The following CCDC171 variants were observed in gnomAD, a reference collection of about 807,000 sequenced individuals.
CCDC171 encodes the protein coiled-coil domain containing 171, also known as coiled-coil domain-containing protein 171.
Under a neutral mutation model 168.2 loss-of-function variants are expected in CCDC171, and 177 were observed. That is an observed-to-expected ratio of 1.05 (90% CI 0.93 to 1.19). CCDC171 has a LOEUF of 1.19. Ranked by LOEUF, CCDC171 falls within the 50% of genes most tolerant of loss-of-function variation. The probability of loss-of-function intolerance (pLI) is 0.00; values close to 1 mark genes in which losing one functional copy is unlikely to be tolerated. For synonymous variants in CCDC171, 687 were observed against 540.8 expected, an observed-to-expected ratio of 1.27 and a Z score of -3.75; for missense variants, 1,991 against 1,539.0, an observed-to-expected ratio of 1.29 and a Z score of -4.91.
intron 1 of CCDC171, among the ~76,000 whole-genome samples, chr9:16,054,950 G>A (rs1051654643): frequency 3.1e-4 from 47 of 152,222 alleles, no homozygotes; most frequent in African/African-American, 1.1e-3. Flanking sequence ...ACTTAACGTG[G>A]AGACGAAGCC....
chr9:15,723,703 A>G lies in CCDC171; in HGVS notation c.1448A>G (p.Asp483Gly). 2.5e-6 allele frequency: 4 copies of G among 1,592,380 alleles called. No homozygotes were observed. Among genetic ancestry groups the G allele is most frequent in the Non-Finnish European group, 3.4e-6 (4 of 1,166,140 alleles). The change falls in exon 13 of 26, where the codon GAT becomes GGT. Residue 483 changes from aspartate to glycine, a missense_variant. By Grantham distance (94) the Asp-to-Gly change is moderately conservative (BLOSUM62 -1). Transcript: ENST00000380701. ...AAGGAAAAGGCATGTAATGAACTTGATTCTACGAAACAGAAGATAGACTCT... is the reference window on the plus strand; with the variant it reads ...AAGGAAAAGGCATGTAATGAACTTGGTTCTACGAAACAGAAGATAGACTCT... ...SNEEKACNEL[D>G]STKQKIDSHT... is the part of the protein sequence containing the mutation.
At chr9:15,756,630 C>T (rs1208097324) in intron 18 of CCDC171, among the ~76,000 whole-genome samples, 1 of 152,078 alleles carries the variant, frequency 6.6e-6, no homozygotes. Flanking sequence ...TAAAAACATG[C>T]GGTATTTGCT....
intron 3 of CCDC171, among the ~76,000 whole-genome samples, chr9:15,573,909 T>C (rs892555728): frequency 2.0e-5 from 3 of 151,860 alleles, no homozygotes; most frequent in African/African-American, 7.2e-5. Flanking sequence ...AAAAATAAAA[T>C]AAAAATAAAT....
intron 3 of CCDC171, among the ~76,000 whole-genome samples, chr9:15,573,978 C>T (rs1328885540): frequency 6.6e-6 from 1 of 152,018 alleles, no homozygotes; most frequent in Admixed American, 6.6e-5. Flanking sequence ...ACACACTGTT[C>T]TCTTTTATTT....
chr9:15,618,207 A>G (rs556605177), intron 6 of CCDC171, among the ~76,000 whole-genome samples: 4 of 152,202 alleles, frequency 2.6e-5, no homozygotes, highest in Non-Finnish European at 5.9e-5. Flanking sequence ...CATATCCTGC[A>G]GAGATGCCCT....
At chr9:15,563,786 A>T (rs1027073146) in intron 1 of CCDC171, among the ~76,000 whole-genome samples, 192 bp from the exon 2 acceptor site, 2 of 152,202 alleles carry the variant, frequency 1.3e-5, no homozygotes, top group Non-Finnish European at 2.9e-5. Context: ...CAGCACTGAG[A>T]TACAGTCTCC....
chr9:15,671,479 G>C (rs1040987351), intron 9 of CCDC171, among the ~76,000 whole-genome samples: 2 of 152,104 alleles, frequency 1.3e-5, no homozygotes, highest in East Asian at 1.9e-4. Context: ...CTTCACATTA[G>C]GTCTTTCTCC....
chr9:15,706,256 C>G (rs746353329), intron 11 of CCDC171, among the ~76,000 whole-genome samples: 3 of 151,354 alleles, frequency 2.0e-5, no homozygotes, highest in Non-Finnish European at 4.4e-5. Flanking sequence ...TTCCTTCCTT[C>G]CTTCCTTCCT....
chr9:15,838,148 T>A (rs978702999), intron 21 of CCDC171, among the ~76,000 whole-genome samples: 8 of 152,194 alleles, frequency 5.3e-5, no homozygotes, highest in Non-Finnish European at 8.8e-5. Context: ...ATGGCTAGAA[T>A]GTGCGTTTAT....
chr9:15,720,543 C>T (rs1275063612), intron 11 of CCDC171, among the ~76,000 whole-genome samples: 19 of 151,546 alleles, frequency 1.3e-4, no homozygotes, highest in Non-Finnish European at 2.6e-4. Flanking sequence ...AAATCCGTTT[C>T]GTGTATATTG....
intron 9 of CCDC171, among the ~76,000 whole-genome samples, chr9:15,669,044 T>C (rs576944485): frequency 3.3e-5 from 5 of 152,286 alleles, no homozygotes; most frequent in Admixed American, 3.3e-4. Flanking sequence ...TGCTTGAACC[T>C]GCCATTGGTT....
At chr9:15,714,697 G>A (rs556516764) in intron 11 of CCDC171, among the ~76,000 whole-genome samples, 1 of 152,178 alleles carries the variant, frequency 6.6e-6, no homozygotes, top group Non-Finnish European at 1.5e-5. Context: ...TGCTAACAGA[G>A]ACCCATCGTC....
chr9:15,745,573 CCTT>C lies in CCDC171; in HGVS notation c.2617_2619del (p.Leu873del), dbSNP rs1488751989. The stretch of plus-strand genomic sequence containing the variant: ...CGCTCAGTTGGCTCACCAGTTCTGA[CCTT>C]CTTGCTGCAATAATCAGTTCTATGG... On this transcript the variant is annotated inframe_deletion, in exon 18 of 26. Transcript: ENST00000380701. The C allele has an allele frequency of 6.5e-5, 103 of 1,590,428 alleles. No individual in the cohort carries two copies. Among genetic ancestry groups the C allele is most frequent in the Non-Finnish European group, 8.4e-5 (98 of 1,170,276 alleles).
At chr9:15,932,872 A>G (rs577116421) in intron 25 of CCDC171, among the ~76,000 whole-genome samples, 1 of 151,628 alleles carries the variant, frequency 6.6e-6, no homozygotes, top group South Asian at 2.1e-4. Flanking sequence ...TTTTGTCTTT[A>G]TGTTAATGTG....
intron 24 of CCDC171, among the ~76,000 whole-genome samples, chr9:15,899,370 T>C (rs1563962433): frequency 6.6e-6 from 1 of 152,204 alleles, no homozygotes; most frequent in South Asian, 2.1e-4. Context: ...TGTGATTGCC[T>C]AGCTATATGT....
intron 21 of CCDC171, among the ~76,000 whole-genome samples, chr9:15,843,388 C>G (rs1186298884): frequency 1.3e-5 from 2 of 152,016 alleles, no homozygotes; most frequent in African/African-American, 4.8e-5. Context: ...CATATCTAGC[C>G]TTAACTTTCT....
At chr9:16,041,124 C>T (rs997423974), upstream of CCDC171, among the ~76,000 whole-genome samples, 3 of 152,148 alleles carry the variant, frequency 2.0e-5, no homozygotes, top group African/African-American at 7.2e-5. Context: ...TGACACTGGG[C>T]AAAGTAGCAG....
chr9:15,592,854 C>T (rs1260190010), intron 5 of CCDC171, among the ~76,000 whole-genome samples: 1 of 151,756 alleles, frequency 6.6e-6, no homozygotes, highest in Non-Finnish European at 1.5e-5. Context: ...AGGCTATTGG[C>T]TTTTTTTGTT....
intron 3 of CCDC171, among the ~76,000 whole-genome samples, chr9:15,573,738 G>C (rs1012295769): frequency 7.9e-5 from 12 of 151,878 alleles, no homozygotes; most frequent in African/African-American, 2.7e-4. Flanking sequence ...GAGAGTATTA[G>C]TGTGATGATA....
Sources: allele counts gnomAD v4.1 joint callset (sites outside exome capture counted in the v4.1 genomes callset), GRCh38; gene constraint gnomAD v4.1.1; transcripts MANE v1.5; gene names NCBI Gene and HGNC (gene_info 2026-07-23, HGNC 2026-07-21).